TLL1: variants seen among roughly 807,000 people sequenced by gnomAD.
The protein encoded by TLL1 is tolloid-like protein 1.
In TLL1, 49 loss-of-function variants were observed where a neutral mutation model predicts 128.2. The observed-to-expected ratio is 0.38, with a 90% CI of 0.30 to 0.48. The LOEUF is 0.48. Among genes scored for constraint, TLL1 ranks in the 20% least tolerant of loss-of-function variants. The probability of loss-of-function intolerance (pLI) is 0.96; values close to 1 mark genes in which losing one functional copy is unlikely to be tolerated. For missense variants in TLL1, 1,123 were observed against 1,242.0 expected, an observed-to-expected ratio of 0.90 and a Z score of 1.44; for synonymous variants, 454 against 418.8, an observed-to-expected ratio of 1.08 and a Z score of -1.03.
chr4:166,095,330 T>C (rs1741970457), intron 19 of TLL1, among the ~76,000 whole-genome samples: 3 of 152,006 alleles, frequency 2.0e-5, no homozygotes, highest in East Asian at 3.9e-4. Flanking sequence ...TTGCTCAAAT[T>C]CTAATTCCAA....
intron 5 of TLL1, among the ~76,000 whole-genome samples, chr4:165,999,563 G>A (rs1312809360): frequency 1.3e-5 from 2 of 151,980 alleles, no homozygotes; most frequent in African/African-American, 4.8e-5. Flanking sequence ...GACATGTGGG[G>A]ATTACAATTT....
At chr4:165,914,374 G>A (rs1036725321) in intron 1 of TLL1, among the ~76,000 whole-genome samples, 1 of 152,042 alleles carries the variant, frequency 6.6e-6, no homozygotes, top group Admixed American at 6.6e-5. Flanking sequence ...TTGATTCTAT[G>A]AACTGCAATT....
chr4:165,989,302 C>T (rs1736527016), intron 1 of TLL1, 79 bp from the exon 2 acceptor site: 2 of 1,080,626 alleles, frequency 1.9e-6, no homozygotes, highest in Non-Finnish European at 2.8e-6. Flanking sequence ...ATATTTTTAA[C>T]AATGCTTTTC....
At chr4:166,042,447 T>C (rs911890653) in intron 11 of TLL1, among the ~76,000 whole-genome samples, 3 of 152,232 alleles carry the variant, frequency 2.0e-5, no homozygotes, top group African/African-American at 7.2e-5. Context: ...TATGAAGAAA[T>C]TATCATTTTC....
chr4:165,970,492 A>G (rs538981990), intron 1 of TLL1, among the ~76,000 whole-genome samples: 2 of 152,146 alleles, frequency 1.3e-5, no homozygotes, highest in Non-Finnish European at 2.9e-5. Flanking sequence ...TTCTCCTGGC[A>G]AGTGAAAGTG....
At chr4:165,876,297 GA>G (rs949339017) in intron 1 of TLL1, among the ~76,000 whole-genome samples, 5 of 147,256 alleles carry the variant, frequency 3.4e-5, no homozygotes, top group African/African-American at 1.3e-4. Context: ...TCCAATAACA[GA>G]AAAAAAATGA....
In TLL1 at chr4:165,875,673, T is replaced by C. The variant is rs1730693438; in HGVS notation, c.169+1600T>C. On this transcript the variant is annotated intron_variant, in intron 1 of 20. Coordinates refer to ENST00000061240, the MANE Select transcript of TLL1 (RefSeq NM_012464.5). ...TTCTCTGCAACTCCTTAAATGTACT[T>C]TTTGCTAAGAAATTTCTTTTGAATA... Among the ~76,000 whole-genome samples, 4 of 152,338 alleles carry C rather than the reference T, an allele frequency of 2.6e-5. 1 individual carries two copies. In the Middle Eastern group the frequency reaches 0.01, roughly 389 times the overall value.
intron 15 of TLL1, among the ~76,000 whole-genome samples, chr4:166,062,770 T>C (rs1479194636): frequency 6.6e-6 from 1 of 152,130 alleles, no homozygotes; most frequent in Non-Finnish European, 1.5e-5. Context: ...ATAGGAGTGG[T>C]GAGAGAGGGC....
Position 165,878,033 on chromosome 4 carries a change from AT to A in TLL1, c.169+3964del, listed in dbSNP as rs560206049. Among the ~76,000 whole-genome samples, 573 of 152,200 alleles carry A rather than the reference AT, an allele frequency of 3.8e-3. 1 individual carries two copies. The highest frequency in any genetic ancestry group is 6.8e-3 in the South Asian group (33 of 4,828). On this transcript the variant is annotated intron_variant, in intron 1 of 20. Transcript: ENST00000061240. ...AAAAACCTAGAAATAGGCTTTTGGC[AT>A]TTTAGAAAACTATTTCTGCTTTTCT...
chr4:166,024,124 C>T (rs1474150950), intron 8 of TLL1, among the ~76,000 whole-genome samples: 3 of 152,102 alleles, frequency 2.0e-5, no homozygotes, highest in African/African-American at 7.2e-5. Flanking sequence ...TTTGTTGTCC[C>T]AAAGTTGCTT....
chr4:165,969,146 C>T lies in TLL1; in HGVS notation c.170-20235C>T, dbSNP rs543363304. Reference sequence around the variant, plus strand: ...CATGTTATGAGAGATTTTTGATAACCGTGGGACGTTTTTCTTTGAACCTGG... The same window carrying T: ...CATGTTATGAGAGATTTTTGATAACTGTGGGACGTTTTTCTTTGAACCTGG... On this transcript the variant is annotated intron_variant, in intron 1 of 20. Transcript: ENST00000061240. Among the ~76,000 whole-genome samples the T allele has an allele frequency of 1.7e-4, 26 of 151,988 alleles. No homozygotes were observed. The South Asian group carries it at 4.6e-3, about 27-fold the overall frequency.
intron 1 of TLL1, among the ~76,000 whole-genome samples, chr4:165,977,142 G>T (rs1037678943): frequency 5.9e-5 from 9 of 152,146 alleles, no homozygotes; most frequent in African/African-American, 1.9e-4. Context: ...TAGGCGATAT[G>T]GTTGGCTCTG....
intron 16 of TLL1, among the ~76,000 whole-genome samples, chr4:166,074,598 A>G (rs576373155): frequency 6.6e-5 from 10 of 152,160 alleles, no homozygotes; most frequent in African/African-American, 2.4e-4. Flanking sequence ...TCTTTCTCCT[A>G]CCTAAAACTT....
chr4:165,997,569 T>G (rs1736942920), intron 5 of TLL1, among the ~76,000 whole-genome samples: 1 of 152,200 alleles, frequency 6.6e-6, no homozygotes, highest in African/African-American at 2.4e-5. Context: ...TGCCCATATT[T>G]ATAGGAAGGA....
At chr4:166,090,812 C>A (rs1741735729) in intron 18 of TLL1, among the ~76,000 whole-genome samples, 1 of 151,904 alleles carries the variant, frequency 6.6e-6, no homozygotes, top group Non-Finnish European at 1.5e-5. Context: ...TCTGATGAAT[C>A]CTTTGGATTA....
intron 1 of TLL1, among the ~76,000 whole-genome samples, chr4:165,988,173 G>A (rs2111007604): frequency 6.6e-6 from 1 of 152,018 alleles, no homozygotes; most frequent in East Asian, 1.9e-4. Context: ...AAATAAGCAG[G>A]GAGACTATTT....
At chr4:165,947,176 T>C (rs1296655996) in intron 1 of TLL1, among the ~76,000 whole-genome samples, 1 of 152,092 alleles carries the variant, frequency 6.6e-6, no homozygotes, top group Non-Finnish European at 1.5e-5. Context: ...ATCATCTTAC[T>C]GTGTACACAT....
At position 165,885,214 on chromosome 4, in the gene TLL1, T is replaced by G. The variant is rs1057134905; in HGVS notation, c.169+11141T>G. ...CTCTATGGCTGTATTTGTGTTGCCC[T>G]CAGGACATCCTTTGGTTTTCCTGGG... On this transcript the variant is annotated intron_variant, in intron 1 of 20. Transcript: ENST00000061240. 3.3e-5 allele frequency among the ~76,000 whole-genome samples: 5 copies of G among 152,234 alleles called. No homozygotes were observed. In the East Asian group the frequency reaches 9.7e-4, roughly 30 times the overall value.
chr4:165,910,007 A>G (rs1251764032), intron 1 of TLL1, among the ~76,000 whole-genome samples: 1 of 152,140 alleles, frequency 6.6e-6, no homozygotes, highest in African/African-American at 2.4e-5. Context: ...AGAGAAAAGG[A>G]GCTGCCATTA....
Sources: gnomAD v4.1 joint callset for allele counts (sites outside exome capture counted in the v4.1 genomes callset) on GRCh38, gnomAD v4.1.1 for gene constraint, MANE v1.5 for transcripts, NCBI Gene and HGNC (gene_info 2026-07-23, HGNC 2026-07-21) for gene names.